The following PRR16 variants were observed in gnomAD, a reference collection of about 807,000 sequenced individuals.
The protein encoded by PRR16 is proline rich 16.
A neutral mutation model predicts 18.2 loss-of-function variants in PRR16; 6 were observed. The observed-to-expected ratio is 0.33, with a 90% CI of 0.18 to 0.65. PRR16 has a LOEUF of 0.65. Among genes scored for constraint, PRR16 ranks in the 30% least tolerant of loss-of-function variants. PRR16 has a pLI of 0.74. For missense variants in PRR16, 412 were observed against 376.6 expected (o/e 1.09, Z -0.78); for synonymous variants, 151 against 147.8 (o/e 1.02, Z -0.16).
the PRR16 span, among the ~76,000 whole-genome samples, chr5:120,772,071 AAAG>A: frequency 9.0e-3 from 1,372 of 152,226 alleles, 14 homozygotes; most frequent in African/African-American, 0.032. Context: ...TTCAAAGATT[AAAG>A]AATATGTTAA....
intron 1 of PRR16, among the ~76,000 whole-genome samples, chr5:120,647,400 A>G (rs988656585): frequency 6.6e-6 from 1 of 152,050 alleles, no homozygotes; most frequent in Non-Finnish European, 1.5e-5. Context: ...ATTTAAAAAA[A>G]AAAGAGATTT....
At chr5:120,588,631 T>G (rs890801333) in intron 1 of PRR16, among the ~76,000 whole-genome samples, 1 of 152,194 alleles carries the variant, frequency 6.6e-6, no homozygotes, top group Non-Finnish European at 1.5e-5. Context: ...CAGTATAAAG[T>G]TGATTTTTAT....
At chr5:120,607,794 C>T (rs79991177) in intron 1 of PRR16, among the ~76,000 whole-genome samples, 2,478 of 151,042 alleles carry the variant, frequency 0.016, 69 homozygotes, top group African/African-American at 0.058. Flanking sequence ...GTGAGTGTTT[C>T]AATTCTGGTA....
chr5:120,511,584 C>G (rs932756343), intron 1 of PRR16, among the ~76,000 whole-genome samples: 15 of 152,140 alleles, frequency 9.9e-5, no homozygotes, highest in Admixed American at 9.8e-4. Flanking sequence ...TGCCTCCGCT[C>G]CCCTACTGTC....
At chr5:120,538,467 A>C (rs1751800316) in intron 1 of PRR16, among the ~76,000 whole-genome samples, 2 of 152,218 alleles carry the variant, frequency 1.3e-5, no homozygotes, top group Non-Finnish European at 2.9e-5. Flanking sequence ...GTTAAAATAC[A>C]TGTAATTCAA....
At chr5:120,745,973 A>C in the PRR16 span, among the ~76,000 whole-genome samples, 2 of 151,338 alleles carry the variant, frequency 1.3e-5, no homozygotes, top group Non-Finnish European at 2.9e-5. Context: ...TTGCCCCCCA[A>C]AATGCTGGGA....
chr5:120,770,348 G>A, the PRR16 span, among the ~76,000 whole-genome samples: 3,377 of 152,024 alleles, frequency 0.022, 90 homozygotes, highest in Admixed American at 0.067. Flanking sequence ...CACAAATGGC[G>A]TTGGGAAAAC....
chr5:120,480,183 G>A (rs1749565931), intron 1 of PRR16, among the ~76,000 whole-genome samples: 1 of 152,164 alleles, frequency 6.6e-6, no homozygotes, highest in Admixed American at 6.5e-5. Flanking sequence ...GCTGAGACAG[G>A]AGAATTGCTT....
intron 1 of PRR16, among the ~76,000 whole-genome samples, chr5:120,514,118 G>C (rs1750914837): frequency 6.6e-6 from 1 of 151,990 alleles, no homozygotes; most frequent in Non-Finnish European, 1.5e-5. Flanking sequence ...CATATATTAG[G>C]TGCCCAATAA....
intron 1 of PRR16, among the ~76,000 whole-genome samples, chr5:120,501,172 C>A (rs1003669683): frequency 6.6e-6 from 1 of 152,046 alleles, no homozygotes; most frequent in Non-Finnish European, 1.5e-5. Context: ...TAGAAAAATG[C>A]GTAGCATTAA....
chr5:120,598,343 A>G (rs910781992), intron 1 of PRR16, among the ~76,000 whole-genome samples: 3 of 151,938 alleles, frequency 2.0e-5, no homozygotes, highest in Non-Finnish European at 2.9e-5. Context: ...AAGATATTCT[A>G]TCTTGTAGCC....
At chr5:120,630,942 A>G (rs1755031466) in intron 1 of PRR16, among the ~76,000 whole-genome samples, 1 of 152,192 alleles carries the variant, frequency 6.6e-6, no homozygotes, top group South Asian at 2.1e-4. Flanking sequence ...ATTGAGATAA[A>G]TATAAGTCTC....
chr5:120,665,731 C>T (rs553736029), intron 1 of PRR16, among the ~76,000 whole-genome samples: 115 of 152,174 alleles, frequency 7.6e-4, no homozygotes, highest in African/African-American at 2.5e-3. Flanking sequence ...CCCCCATTTC[C>T]TGTTTTTGTC....
intron 1 of PRR16, among the ~76,000 whole-genome samples, chr5:120,672,660 A>G (rs775034552): frequency 1.3e-5 from 2 of 152,020 alleles, no homozygotes; most frequent in Non-Finnish European, 2.9e-5. Flanking sequence ...GCATACTCTT[A>G]TTCTTATTAC....
At chr5:120,737,734 A>G in the PRR16 span, among the ~76,000 whole-genome samples, 1 of 150,312 alleles carries the variant, frequency 6.7e-6, no homozygotes, top group Non-Finnish European at 1.5e-5. Flanking sequence ...CCAGTACGGG[A>G]TTATTTTGTT....
chr5:120,618,881 A>G (rs1049423327), intron 1 of PRR16, among the ~76,000 whole-genome samples: 2 of 152,114 alleles, frequency 1.3e-5, no homozygotes, highest in African/African-American at 2.4e-5. Context: ...AATGGAATTC[A>G]TAAGACGTTC....
At chr5:120,571,283 AT>A (rs1580737189) in intron 1 of PRR16, among the ~76,000 whole-genome samples, 1 of 152,190 alleles carries the variant, frequency 6.6e-6, no homozygotes, top group Non-Finnish European at 1.5e-5. Flanking sequence ...TGAGTGAGCC[AT>A]GTGGGTGATG....
the PRR16 span, chr5:120,781,089 ATAT>A: frequency 1.1e-4 from 17 of 152,166 alleles, no homozygotes; most frequent in Non-Finnish European, 2.9e-5. Context: ...TAATTATTAA[ATAT>A]TATGTTAACA....
At chr5:120,526,357 A>G (rs553391803) in intron 1 of PRR16, among the ~76,000 whole-genome samples, 217 of 152,144 alleles carry the variant, frequency 1.4e-3, no homozygotes, top group Non-Finnish European at 2.7e-3. Flanking sequence ...TGACTTTCAG[A>G]TCTGTGTTTA....
Sources: allele counts gnomAD v4.1 joint callset (sites outside exome capture counted in the v4.1 genomes callset), GRCh38; gene constraint gnomAD v4.1.1; transcripts MANE v1.5; gene names NCBI Gene and HGNC (gene_info 2026-07-23, HGNC 2026-07-21).